Variants in GAS7 observed in about 807,000 individuals in gnomAD.
GAS7 encodes growth arrest specific 7.
GAS7 carries 28 observed loss-of-function variants against 71.1 expected under a neutral mutation model. That is an observed-to-expected ratio of 0.39 (90% CI 0.29 to 0.54). GAS7 has a LOEUF of 0.54. Among genes scored for constraint, GAS7 ranks in the 20% least tolerant of loss-of-function variants. The probability of loss-of-function intolerance (pLI) is 0.62; values close to 1 mark genes in which losing one functional copy is unlikely to be tolerated. For synonymous variants in GAS7, 258 were observed against 245.8 expected (o/e 1.05, Z -0.46); for missense variants, 436 against 627.8 (o/e 0.69, Z 3.27).
intron 1 of GAS7, among the ~76,000 whole-genome samples, chr17:10,028,487 AATAG>A (rs2072527849): frequency 6.6e-6 from 1 of 152,214 alleles, no homozygotes; most frequent in Non-Finnish European, 1.5e-5. Context: ...TATTGCAGAA[AATAG>A]ATAGAGGAAG....
rs769308216 is a variant in GAS7 at position 9,918,031 on chromosome 17, C to T, written c.1287G>A (p.Leu429=). Residue 429 remains leucine, a synonymous_variant, in exon 13 of 14, where the codon CTG becomes CTA. Coordinates refer to ENST00000432992, the MANE Select transcript of GAS7 (RefSeq NM_201433.2). ...IRQHLCQYTQ[L]RHETDMFNQS... ...GGTTGAACATGTCTGTTTCATGCCGCAGCTGCGTGTACTGGCACAGGTGCT... is the reference window on the plus strand; with the variant it reads ...GGTTGAACATGTCTGTTTCATGCCGTAGCTGCGTGTACTGGCACAGGTGCT... The T allele has an allele frequency of 6.2e-7, 1 of 1,613,828 alleles. No individual in the cohort carries two copies. Among genetic ancestry groups the T allele is most frequent in the South Asian group, 1.1e-5 (1 of 91,082 alleles).
rs74487950 is a variant in GAS7, at chr17:10,073,190, G to A, written c.184-53293C>T. Among the ~76,000 whole-genome samples the A allele has an allele frequency of 8.7e-3, 1,319 of 152,286 alleles. 20 individuals carry two copies. Among genetic ancestry groups the A allele is most frequent in the African/African-American group, 0.029 (1,214 of 41,552 alleles). ...AGATGAGGGCTTCCCAGGACTCGAC[G>A]TGTCCCAACAGGCCGTGTGGCTCAG... is the stretch of plus-strand genomic sequence containing the variant. On this transcript the variant is annotated intron_variant, in intron 1 of 13. Coordinates refer to ENST00000432992, the MANE Select transcript of GAS7 (RefSeq NM_201433.2).
chr17:9,986,283 C>T (rs1286079241), intron 2 of GAS7, among the ~76,000 whole-genome samples: 1 of 152,132 alleles, frequency 6.6e-6, no homozygotes, highest in Non-Finnish European at 1.5e-5. Context: ...CACCATTGAC[C>T]TTATTTTAAA....
At chr17:10,086,838 C>T (rs958223925) in intron 1 of GAS7, among the ~76,000 whole-genome samples, 19 of 152,130 alleles carry the variant, frequency 1.2e-4, no homozygotes, top group Non-Finnish European at 2.1e-4. Flanking sequence ...CACGGGAACG[C>T]ATCACAGATA....
At chr17:9,940,392 A>C (rs879737663) in intron 7 of GAS7, among the ~76,000 whole-genome samples, 192 bp from the exon 8 acceptor site, 3 of 152,134 alleles carry the variant, frequency 2.0e-5, no homozygotes, top group Non-Finnish European at 4.4e-5. Context: ...TGAATGAACA[A>C]AACTGTCTGG....
rs141689808 is a variant in GAS7 at position 9,959,993 on chromosome 17, C to T, written c.472-738G>A. On this transcript the variant is annotated intron_variant, in intron 4 of 13. Transcript: ENST00000432992. The surrounding 1 kb of genome is among the most constrained non-coding windows in gnomAD (Gnocchi z 5.0). ...ATGCTACACGTGTCCTAAGAGCCTA[C>T]GACTCCAAAGAATGTTTGATTCTGG... Among the ~76,000 whole-genome samples the T allele has an allele frequency of 2.5e-4, 38 of 152,220 alleles. No homozygotes were observed. The highest frequency in any genetic ancestry group is 4.3e-4 in the Non-Finnish European group (29 of 68,024).
chr17:10,045,410 G>A, intron 1 of GAS7, among the ~76,000 whole-genome samples: 1 of 152,138 alleles, frequency 6.6e-6, no homozygotes, highest in Middle Eastern at 3.4e-3. Context: ...AAGATTCCTA[G>A]TATTGGCCGG....
At chr17:9,936,673 T>C (rs139259458) in intron 8 of GAS7, among the ~76,000 whole-genome samples, 156 of 152,262 alleles carry the variant, frequency 1.0e-3, no homozygotes, top group African/African-American at 3.7e-3. Flanking sequence ...AATTCTCTCA[T>C]TTGAAAAGAG....
At chr17:10,150,414 GTACACACACA>G (rs749354160) in intron 1 of GAS7, among the ~76,000 whole-genome samples, 2 of 64,250 alleles carry the variant, frequency 3.1e-5, no homozygotes, top group Non-Finnish European at 5.7e-5. Context: ...AACTGGTTAA[GTACACACACA>G]CACACACACA....
chr17:10,019,579 C>T (rs1245723565), intron 2 of GAS7, among the ~76,000 whole-genome samples, 198 bp downstream of exon 2: 1 of 152,122 alleles, frequency 6.6e-6, no homozygotes, highest in East Asian at 1.9e-4. Context: ...CAAGATACTC[C>T]CAGAACTACA....
intron 1 of GAS7, among the ~76,000 whole-genome samples, chr17:10,127,184 T>G (rs1374932674): frequency 6.6e-6 from 1 of 152,100 alleles, no homozygotes; most frequent in Non-Finnish European, 1.5e-5. Flanking sequence ...TCAAGTTAGT[T>G]TAACCTTCCA....
Position 10,075,628 on chromosome 17 carries a change from C to T in GAS7, c.184-55731G>A, listed in dbSNP as rs567746122. ...TGGGCAATATAGCGAGACCCTACGT[C>T]TGCAAAAAATTAAGAAATTAGATGA... On this transcript the variant is annotated intron_variant, in intron 1 of 13. Coordinates refer to ENST00000432992, the MANE Select transcript of GAS7 (RefSeq NM_201433.2). 1.6e-4 allele frequency among the ~76,000 whole-genome samples: 25 copies of T among 152,018 alleles called. No individual in the cohort carries two copies. The South Asian group carries it at 5.0e-3, about 30-fold the overall frequency.
At position 10,034,316 on chromosome 17, in the gene GAS7, T is replaced by A; in HGVS notation, c.184-14419A>T. On this transcript the variant is annotated intron_variant, in intron 1 of 13. Transcript: ENST00000432992. This position sits in a 1 kb window ranked among gnomAD's most constrained non-coding sequence, Gnocchi z 4.4. ...TATATAGCCTAATACTTAATAATTCTTTTTTTTTTTTTTAGACAGTCTTGC... is the reference window on the plus strand; with the variant it reads ...TATATAGCCTAATACTTAATAATTCATTTTTTTTTTTTTAGACAGTCTTGC... The A allele has an allele frequency of 3.5e-5, 7 of 197,264 alleles. No homozygotes were observed. Among genetic ancestry groups the A allele is most frequent in the South Asian group, 1.8e-4 (1 of 5,456 alleles). The allele number at this position is 197,264 out of a possible 1,614,324, so 12.2% of individuals were successfully genotyped here.
intron 2 of GAS7, among the ~76,000 whole-genome samples, chr17:10,011,768 G>A (rs1033936793): frequency 2.0e-5 from 3 of 152,118 alleles, no homozygotes; most frequent in African/African-American, 7.2e-5. Context: ...CCTGAGGTCG[G>A]AAGTTCGAGA....
chr17:10,027,395 A>G (rs186018481), intron 1 of GAS7, among the ~76,000 whole-genome samples: 6 of 152,322 alleles, frequency 3.9e-5, no homozygotes, highest in African/African-American at 1.4e-4. Context: ...AACAAATCCC[A>G]GCTCTTAATG....
chr17:9,936,934 T>G (rs2068422346), intron 8 of GAS7, among the ~76,000 whole-genome samples: 1 of 152,218 alleles, frequency 6.6e-6, no homozygotes, highest in South Asian at 2.1e-4. Flanking sequence ...GAAGTTGAAT[T>G]GCAAAAGCCT....
At chr17:9,996,144 A>G (rs2071032085) in intron 2 of GAS7, among the ~76,000 whole-genome samples, 1 of 152,206 alleles carries the variant, frequency 6.6e-6, no homozygotes, top group Non-Finnish European at 1.5e-5. Context: ...TTGTGGCACT[A>G]TTCACAATAG....
chr17:10,120,894 T>C (rs1470293570), intron 1 of GAS7, among the ~76,000 whole-genome samples: 1 of 152,122 alleles, frequency 6.6e-6, no homozygotes, highest in East Asian at 1.9e-4. Context: ...CCTCCTCTCA[T>C]CCTTTCTCAC....
intron 1 of GAS7, among the ~76,000 whole-genome samples, chr17:10,063,965 G>C (rs1241526789): frequency 6.6e-6 from 1 of 152,164 alleles, no homozygotes; most frequent in African/African-American, 2.4e-5. Flanking sequence ...TTGCCAAAGA[G>C]AGCACCATTT....
Sources: allele counts gnomAD v4.1 joint callset (sites outside exome capture counted in the v4.1 genomes callset), GRCh38; gene constraint gnomAD v4.1.1; non-coding constraint Gnocchi (gnomAD v3.1); transcripts MANE v1.5; gene names NCBI Gene and HGNC (gene_info 2026-07-23, HGNC 2026-07-21).